Variants in TSC22D2 observed in about 807,000 individuals in gnomAD.
The protein encoded by TSC22D2 is TSC22 domain family member 2.
In TSC22D2, 5 loss-of-function variants were observed where a neutral mutation model predicts 50.1. The ratio of observed to expected loss-of-function variants is 0.10; its 90% CI spans 0.05 to 0.21. The LOEUF (loss-of-function observed/expected upper bound fraction) is 0.21. TSC22D2 is among the 10% of genes least tolerant of loss of function. The pLI is 1.00. For missense variants in TSC22D2, 1,003 were observed against 1,015.5 expected, an observed-to-expected ratio of 0.99 and a Z score of 0.17; for synonymous variants, 501 against 450.1, an observed-to-expected ratio of 1.11 and a Z score of -1.43.
chr3:150,413,076 A>G (rs1719652293), intron 1 of TSC22D2, among the ~76,000 whole-genome samples: 1 of 152,202 alleles, frequency 6.6e-6, no homozygotes, highest in African/African-American at 2.4e-5. Flanking sequence ...TACAGCATCC[A>G]TACTTAGATT....
intron 1 of TSC22D2, among the ~76,000 whole-genome samples, chr3:150,435,123 G>T (rs1412013669): frequency 6.6e-6 from 1 of 151,934 alleles, no homozygotes; most frequent in African/African-American, 2.4e-5. Flanking sequence ...GATTACGGGC[G>T]CCCACCACCA....
chr3:150,438,885 T>A (rs1720630280), intron 1 of TSC22D2, among the ~76,000 whole-genome samples: 1 of 152,124 alleles, frequency 6.6e-6, no homozygotes, highest in African/African-American at 2.4e-5. Context: ...CATATGAAAA[T>A]GATATATTAG....
At position 150,410,066 on chromosome 3, in the gene TSC22D2, A is replaced by G; in HGVS notation, c.716A>G (p.Glu239Gly). ...VASMQGAHGP[E>G]SGTDSSLTAV... ...TCCATGCAGGGGGCGCACGGGCCCG[A>G]GTCGGGAACTGACAGCTCCTTGACT... The change falls in exon 1 of 3, where the codon GAG (glutamate) becomes GGG (glycine). Residue 239 changes from glutamate to glycine, a missense_variant. This residue lies in a region of TSC22D2 where 696 missense variants were observed against 647.8 expected (regional missense o/e 1.07). Coordinates refer to ENST00000688009, the MANE Select transcript of TSC22D2 (RefSeq NM_001303264.2). 2 of 1,613,040 alleles carry G rather than the reference A, an allele frequency of 1.2e-6. No homozygotes were observed. Among genetic ancestry groups the G allele is most frequent in the East Asian group, 4.5e-5 (2 of 44,864 alleles).
intron 2 of TSC22D2, 34 bp downstream of exon 2, chr3:150,457,161 G>A (rs1268316221): frequency 6.3e-7 from 1 of 1,592,714 alleles, no homozygotes; most frequent in Non-Finnish European, 8.6e-7. Flanking sequence ...CCATTTCATA[G>A]ATTGTTGGTT....
intron 1 of TSC22D2, among the ~76,000 whole-genome samples, chr3:150,436,378 C>CT (rs1297397865): frequency 6.6e-6 from 1 of 151,854 alleles, no homozygotes; most frequent in Non-Finnish European, 1.5e-5. Flanking sequence ...GCAGTCGGCC[C>CT]TTTAACAAAA....
At chr3:150,424,114 C>T (rs1720097667) in intron 1 of TSC22D2, among the ~76,000 whole-genome samples, 2 of 152,156 alleles carry the variant, frequency 1.3e-5, no homozygotes, top group African/African-American at 4.8e-5. Flanking sequence ...AATTTTCTAA[C>T]AGTATCTTTT....
chr3:150,444,382 A>ACCC (rs1720813244), intron 1 of TSC22D2, among the ~76,000 whole-genome samples: 1 of 152,318 alleles, frequency 6.6e-6, no homozygotes, highest in East Asian at 1.9e-4. Context: ...TATCAATTAT[A>ACCC]TGCAGAGTAG....
chr3:150,457,914 G>A (rs891040917), intron 2 of TSC22D2, among the ~76,000 whole-genome samples: 1 of 152,166 alleles, frequency 6.6e-6, no homozygotes, highest in Non-Finnish European at 1.5e-5. Context: ...GGGATTACCG[G>A]TGTGAGACCT....
At position 150,459,845 on chromosome 3, in the gene TSC22D2, AAGTG is replaced by A. The variant is rs1427866757; in HGVS notation, c.*1212_*1215del. The A allele has an allele frequency of 7.1e-5, 10 of 141,830 alleles. No individual in the cohort carries two copies. Among genetic ancestry groups the A allele is most frequent in the African/African-American group, 2.6e-4 (10 of 38,198 alleles). The allele number at this position is 141,830 out of a possible 1,614,324, so 8.8% of individuals were successfully genotyped here. A position where few individuals can be genotyped will look rare whatever the true frequency, so the allele number is the denominator to read the frequency against. On this transcript the variant is annotated 3_prime_UTR_variant, in exon 3 of 3. Transcript: ENST00000688009. ...TAGTTGTAAAAAAAAAAAAAAAAAAAAGTGAGCCATCTTTTGTTCATTTAAAATG... is the reference window on the plus strand; with the variant it reads ...TAGTTGTAAAAAAAAAAAAAAAAAAAAGCCATCTTTTGTTCATTTAAAATG...
Position 150,458,905 on chromosome 3 carries a change from G to A in TSC22D2, c.*269G>A, listed in dbSNP as rs895239633. ...GCAAAGTCTGCATTTTACCTGGTGC[G>A]CATGAGTGGGGTCTTTAAGAGTTTT... On this transcript the variant is annotated 3_prime_UTR_variant, in exon 3 of 3. Coordinates refer to ENST00000688009, the MANE Select transcript of TSC22D2 (RefSeq NM_001303264.2). 5.7e-6 allele frequency: 2 copies of A among 350,554 alleles called. No homozygotes were observed. Among genetic ancestry groups the A allele is most frequent in the East Asian group, 4.9e-5 (1 of 20,410 alleles). 21.7% of individuals were successfully genotyped at this position (350,554 alleles called of 1,614,324 possible).
chr3:150,411,719 C>CAGAAAGGAAA (rs1644441956), intron 1 of TSC22D2, among the ~76,000 whole-genome samples: 2 of 151,558 alleles, frequency 1.3e-5, no homozygotes, highest in African/African-American at 4.9e-5. Context: ...TACAAGTTTT[C>CAGAAAGGAAA]CTTTCTGGAA....
chr3:150,408,887 G>C lies in TSC22D2; in HGVS notation c.-464G>C, dbSNP rs529941737. On this transcript the variant is annotated 5_prime_UTR_variant, in exon 1 of 3. Transcript: ENST00000688009. Reference sequence around the variant, plus strand: ...TGAGGAGCCCGAGCGGGGCAGCACCGCCCCTCACGCCGCCGCCACCGCCTC... The same window carrying C: ...TGAGGAGCCCGAGCGGGGCAGCACCCCCCCTCACGCCGCCGCCACCGCCTC... The C allele has an allele frequency of 8.7e-4, 142 of 162,624 alleles. No individual in the cohort carries two copies. The highest frequency in any genetic ancestry group is 1.6e-3 in the Non-Finnish European group (121 of 74,796). 10.1% of individuals were successfully genotyped at this position (162,624 alleles called of 1,614,324 possible). A position where few individuals can be genotyped will look rare whatever the true frequency, so the allele number is the denominator to read the frequency against.
chr3:150,440,464 T>A (rs973448551), intron 1 of TSC22D2, among the ~76,000 whole-genome samples: 1 of 151,256 alleles, frequency 6.6e-6, no homozygotes, highest in Admixed American at 6.6e-5. Flanking sequence ...TTTTTTTTTT[T>A]AGAAAAGTCT....
At chr3:150,447,870 A>G (rs1720932986) in intron 1 of TSC22D2, among the ~76,000 whole-genome samples, 2 of 152,206 alleles carry the variant, frequency 1.3e-5, no homozygotes, top group South Asian at 2.1e-4. Flanking sequence ...TCACCAAGAA[A>G]TAATTTAAAG....
intron 1 of TSC22D2, among the ~76,000 whole-genome samples, chr3:150,440,559 T>G (rs1720682601): frequency 6.6e-6 from 1 of 152,244 alleles, no homozygotes; most frequent in South Asian, 2.1e-4. Context: ...AAGCATTAAT[T>G]TAAAAAGCAG....
rs764793176 is a variant in TSC22D2, at chr3:150,410,327, C to T, written c.977C>T (p.Pro326Leu). ...GAGPGGQTLP[P>L]TNVTLAQPAM... is the part of the protein sequence containing the mutation. ...GGGCCCGGGGGACAGACTCTGCCGC[C>T]GACGAATGTAACCCTGGCGCAGCCG... Residue 326 changes from proline to leucine, a missense_variant, in exon 1 of 3, where the codon CCG (proline) becomes CTG (leucine). Pro to Leu is a moderately conservative substitution (Grantham distance 98). This residue lies in a region of TSC22D2 where 696 missense variants were observed against 647.8 expected (regional missense o/e 1.07). Coordinates refer to ENST00000688009, the MANE Select transcript of TSC22D2 (RefSeq NM_001303264.2). 5.7e-6 allele frequency: 9 copies of T among 1,580,714 alleles called. No individual in the cohort carries two copies. The East Asian group carries it at 1.6e-4, about 28-fold the overall frequency.
chr3:150,458,307 A>T, intron 2 of TSC22D2, 69 bp from the exon 3 acceptor site: 1 of 1,494,112 alleles, frequency 6.7e-7, no homozygotes, highest in Non-Finnish European at 9.0e-7. Flanking sequence ...AGCACCAAGT[A>T]GGCCAGAACC....
intron 1 of TSC22D2, among the ~76,000 whole-genome samples, 186 bp downstream of exon 1, chr3:150,411,494 T>G (rs1719568213): frequency 6.6e-6 from 1 of 152,192 alleles, no homozygotes; most frequent in Non-Finnish European, 1.5e-5. Flanking sequence ...CGAATTGGTC[T>G]TGTCACCGTT....
chr3:150,434,859 CAT>C (rs1560086466), intron 1 of TSC22D2, among the ~76,000 whole-genome samples: 2 of 126,336 alleles, frequency 1.6e-5, no homozygotes, highest in Admixed American at 1.6e-4. Flanking sequence ...TATATGTATA[CAT>C]ATATATATTT....
Sources: gnomAD v4.1 joint callset for allele counts (sites outside exome capture counted in the v4.1 genomes callset) on GRCh38, gnomAD v4.1.1 for gene constraint, gnomAD v4.1.1 regional missense constraint, MANE v1.5 for transcripts, NCBI Gene and HGNC (gene_info 2026-07-23, HGNC 2026-07-21) for gene names.